The following CNGA1 variants were observed in gnomAD, a reference collection of about 807,000 sequenced individuals.
The protein encoded by CNGA1 is cyclic nucleotide-gated channel alpha-1.
Under a neutral mutation model 69.7 loss-of-function variants are expected in CNGA1, and 53 were observed. That is an observed-to-expected ratio of 0.76 (90% CI 0.61 to 0.96). The LOEUF (loss-of-function observed/expected upper bound fraction) is 0.96. Ranked by LOEUF, CNGA1 falls within the 40% of genes least tolerant of loss-of-function variation. The probability of loss-of-function intolerance (pLI) is 0.00; values close to 1 mark genes in which losing one functional copy is unlikely to be tolerated. For synonymous variants in CNGA1, 249 were observed against 283.5 expected (o/e 0.88, Z 1.22); for missense variants, 739 against 811.2 (o/e 0.91, Z 1.08).
At chr4:47,938,879 C>T (rs1316030140) in intron 10 of CNGA1, among the ~76,000 whole-genome samples, 1 of 147,338 alleles carries the variant, frequency 6.8e-6, no homozygotes, top group Non-Finnish European at 1.5e-5. Context: ...GAGTTTGAGA[C>T]CAGCTTAAGT....
At chr4:47,960,646 T>C (rs2110176958) in intron 3 of CNGA1, among the ~76,000 whole-genome samples, 1 of 152,282 alleles carries the variant, frequency 6.6e-6, no homozygotes, top group South Asian at 2.1e-4. Flanking sequence ...ATTAGCTATA[T>C]TTATAGAAGT....
At chr4:47,945,878 A>G (rs924041371) in intron 6 of CNGA1, among the ~76,000 whole-genome samples, 11 of 152,092 alleles carry the variant, frequency 7.2e-5, no homozygotes, top group African/African-American at 2.7e-4. Flanking sequence ...AGTAGCCCCA[A>G]TTGCAGCTGA....
chr4:47,995,372 T>C (rs763925040), intron 2 of CNGA1, among the ~76,000 whole-genome samples: 1 of 152,184 alleles, frequency 6.6e-6, no homozygotes, highest in Non-Finnish European at 1.5e-5. Context: ...CTTTGTTGGA[T>C]TGGATTAATG....
intron 3 of CNGA1, among the ~76,000 whole-genome samples, chr4:47,962,022 A>C (rs1740466407): frequency 6.6e-6 from 1 of 152,190 alleles, no homozygotes; most frequent in Admixed American, 6.5e-5. Context: ...GTAAAAAAAG[A>C]ATGCAAGATA....
intron 2 of CNGA1, among the ~76,000 whole-genome samples, chr4:48,008,870 C>T (rs778329848): frequency 1.3e-5 from 2 of 152,200 alleles, no homozygotes; most frequent in South Asian, 2.1e-4. Context: ...TTCCTTGCTG[C>T]CTGTGGATTA....
intron 6 of CNGA1, among the ~76,000 whole-genome samples, chr4:47,948,345 T>C (rs1429503665): frequency 6.6e-6 from 1 of 152,176 alleles, no homozygotes. Flanking sequence ...GAAGAAAAGG[T>C]GCCATCCTCT....
intron 2 of CNGA1, among the ~76,000 whole-genome samples, chr4:47,994,499 T>C (rs548135014): frequency 6.6e-6 from 1 of 152,290 alleles, no homozygotes; most frequent in African/African-American, 2.4e-5. Context: ...TCCTGCCTGC[T>C]TTTGGTGTCA....
chr4:47,963,403 C>T (rs1309553611), intron 3 of CNGA1, among the ~76,000 whole-genome samples: 3 of 152,178 alleles, frequency 2.0e-5, no homozygotes, highest in African/African-American at 4.8e-5. Context: ...ACAGGAATGC[C>T]GCTATCATAT....
chr4:47,985,717 C>T (rs1741948354), intron 2 of CNGA1, among the ~76,000 whole-genome samples: 1 of 152,018 alleles, frequency 6.6e-6, no homozygotes, highest in African/African-American at 2.4e-5. Flanking sequence ...CAAATTATTG[C>T]TTTCTTTACT....
chr4:48,007,054 GAAAA>G (rs1194444566), intron 2 of CNGA1, among the ~76,000 whole-genome samples: 1 of 143,772 alleles, frequency 7.0e-6, no homozygotes, highest in Non-Finnish European at 1.5e-5. Flanking sequence ...TCAAGGGTTT[GAAAA>G]AAAAAAAGTG....
rs1740222917 is a variant in CNGA1, at chr4:47,958,407, C to T, written c.-14-5704G>A. 2.0e-5 allele frequency among the ~76,000 whole-genome samples: 3 copies of T among 152,048 alleles called. No homozygotes were observed. In the South Asian group the frequency reaches 6.2e-4, roughly 32 times the overall value. On this transcript the variant is annotated intron_variant, in intron 3 of 10. Transcript: ENST00000514170. ...TGGGAGGCCGAGGCAGGCTGATCAC[C>T]TGAAGTCAAGAGTTCAAGAGCAGCC...
chr4:47,990,581 C>T (rs1285745696), intron 2 of CNGA1, among the ~76,000 whole-genome samples: 3 of 152,034 alleles, frequency 2.0e-5, no homozygotes, highest in African/African-American at 7.2e-5. Flanking sequence ...CTTTATTGCC[C>T]GTTGAAGCAT....
intron 3 of CNGA1, among the ~76,000 whole-genome samples, chr4:47,977,329 G>A (rs1467703300): frequency 6.6e-6 from 1 of 152,174 alleles, no homozygotes; most frequent in Non-Finnish European, 1.5e-5. Flanking sequence ...AGGACAGAGC[G>A]AAAAGATGAC....
At chr4:47,960,331 C>G (rs1444137837) in intron 3 of CNGA1, among the ~76,000 whole-genome samples, 1 of 152,118 alleles carries the variant, frequency 6.6e-6, no homozygotes, top group African/African-American at 2.4e-5. Context: ...CTGGCAGTTA[C>G]CTACAAACAC....
At chr4:47,938,905 TGAAAGAAAAAAA>T (rs907812070) in intron 10 of CNGA1, among the ~76,000 whole-genome samples, 2 of 142,994 alleles carry the variant, frequency 1.4e-5, no homozygotes, top group East Asian at 2.0e-4. Context: ...TGATATTATT[TGAAAGAAAAAAA>T]GAAAGAAAGA....
chr4:47,939,529 G>A (rs1738935480), intron 10 of CNGA1, among the ~76,000 whole-genome samples: 1 of 152,156 alleles, frequency 6.6e-6, no homozygotes, highest in African/African-American at 2.4e-5. Flanking sequence ...GGGAGCTGTG[G>A]GAACTCCAAT....
rs562840402 is a variant in CNGA1 at position 48,001,286 on chromosome 4, T to A, written c.-123+9508A>T. 6.6e-5 allele frequency among the ~76,000 whole-genome samples: 10 copies of A among 152,190 alleles called. No individual in the cohort carries two copies. In the South Asian group the frequency reaches 2.1e-3, roughly 32 times the overall value. On this transcript the variant is annotated intron_variant, in intron 2 of 10. Transcript: ENST00000514170. ...TTCGAGACCAGCCTGTTCACCAACA[T>A]GTTGAAACCCCATCTCTACTAAACA... is the stretch of plus-strand genomic sequence containing the variant.
intron 6 of CNGA1, among the ~76,000 whole-genome samples, chr4:47,944,380 A>G (rs1739269928): frequency 6.6e-6 from 1 of 152,250 alleles, no homozygotes; most frequent in Non-Finnish European, 1.5e-5. Flanking sequence ...AAACAGGGAC[A>G]GAACAATAAA....
rs577618265 is a variant in CNGA1, at chr4:47,952,765, A to G, written c.-14-62T>C. 177 of 1,284,548 alleles carry G rather than the reference A, an allele frequency of 1.4e-4. No individual in the cohort carries two copies. The African/African-American group carries it at 2.4e-3, about 18-fold the overall frequency. The allele number at this position is 1,284,548 out of a possible 1,614,324, so 79.6% of individuals were successfully genotyped here. A position where few individuals can be genotyped will look rare whatever the true frequency, so the allele number is the denominator to read the frequency against. Reference sequence around the variant, plus strand: ...TTTTATATATTTACATATATAATCAAAAGTTTCACCCTATGTATTAGTCTG... The same window carrying G: ...TTTTATATATTTACATATATAATCAGAAGTTTCACCCTATGTATTAGTCTG... On this transcript the variant is annotated intron_variant, in intron 3 of 10. Coordinates refer to ENST00000514170, the MANE Select transcript of CNGA1 (RefSeq NM_001379270.1).
Sources: gnomAD v4.1 joint callset for allele counts (sites outside exome capture counted in the v4.1 genomes callset) on GRCh38, gnomAD v4.1.1 for gene constraint, MANE v1.5 for transcripts, NCBI Gene and HGNC (gene_info 2026-07-23, HGNC 2026-07-21) for gene names.